PLXNB3: variants seen among roughly 807,000 people sequenced by gnomAD.
PLXNB3 encodes plexin-B3.
A neutral mutation model predicts 125.7 loss-of-function variants in PLXNB3; 80 were observed. The ratio of observed to expected loss-of-function variants is 0.64; its 90% CI spans 0.53 to 0.77. The LOEUF is 0.77. PLXNB3 is among the 30% of genes least tolerant of loss of function. The probability of loss-of-function intolerance (pLI) is 0.00; values close to 1 mark genes in which losing one functional copy is unlikely to be tolerated. For synonymous variants in PLXNB3, 954 were observed against 783.3 expected (o/e 1.22, Z -3.64); for missense variants, 1,836 against 1,729.3 (o/e 1.06, Z -1.09).
In PLXNB3 at chrX:153,766,929, G is replaced by A. The variant is rs2148412831; in HGVS notation, c.102G>A (p.Leu34=). The A allele has an allele frequency of 8.3e-7, 1 of 1,209,241 alleles. No individual in the cohort carries two copies. Among genetic ancestry groups the A allele is most frequent in the Non-Finnish European group, 1.1e-6 (1 of 895,097 alleles). The change falls in exon 3 of 36, where the codon CTG becomes CTA. Residue 34 remains leucine, a synonymous_variant. Transcript: ENST00000361971. ...GCCTCTGCCTCCTCCTGCTGCTGCT[G>A]TCCCCACCGCCACTGCCCTTGACAG... ...PFGLCLLLLL[L]SPPPLPLTGA...
chrX:153,773,781 G>A, intron 19 of PLXNB3, 68 bp downstream of exon 19: 5 of 1,192,768 alleles, frequency 4.2e-6, no homozygotes, highest in Non-Finnish European at 3.4e-6. Flanking sequence ...GGAGGAGGAG[G>A]GTAGGCCGCC....
rs369692012 is a variant in PLXNB3, at chrX:153,765,870, G to A, written c.45+290G>A. ...GGCAGCATCTCTCTGTGGAGGGCAG[G>A]AGGGGCCAGAGAAGGGGCTGCTCCC... is the stretch of plus-strand genomic sequence containing the variant. On this transcript the variant is annotated intron_variant, in intron 2 of 35. Transcript: ENST00000361971. 3.5e-5 allele frequency: 26 copies of A among 753,013 alleles called. No homozygotes were observed. In the South Asian group the frequency reaches 1.3e-3, roughly 37 times the overall value. 62.1% of individuals were successfully genotyped at this position (753,013 alleles called of 1,213,427 possible). A position where few individuals can be genotyped will look rare whatever the true frequency, so the allele number is the denominator to read the frequency against.
chrX:153,773,789 G>A lies in PLXNB3; in HGVS notation c.3280-70G>A, dbSNP rs1451809950. 2.4e-5 allele frequency: 29 copies of A among 1,195,755 alleles called. No individual in the cohort carries two copies. In the African/African-American group the frequency reaches 3.1e-4, roughly 13 times the overall value. ...CCAGTGGGGAGGAGGAGGGTAGGCC[G>A]CCATGCCCCTAGCAGCGCACAGCAG... On this transcript the variant is annotated intron_variant, in intron 19 of 35. Transcript: ENST00000361971.
intron 29 of PLXNB3, 74 bp downstream of exon 29, chrX:153,777,054 C>A: frequency 1.0e-6 from 1 of 982,667 alleles, no homozygotes; most frequent in Non-Finnish European, 1.4e-6. Flanking sequence ...CATGCATCTG[C>A]CTCAACTTCA....
chrX:153,768,167 C>T, intron 3 of PLXNB3, 82 bp from the exon 4 acceptor site: 4 of 1,019,431 alleles, frequency 3.9e-6, no homozygotes, highest in Non-Finnish European at 4.0e-6. Context: ...CCTGGCTCTC[C>T]TCCCGCTGGC....
intron 7 of PLXNB3, 38 bp downstream of exon 7, chrX:153,769,977 T>G (rs377174995): frequency 5.8e-5 from 69 of 1,194,285 alleles, no homozygotes; most frequent in Non-Finnish European, 7.7e-5. Flanking sequence ...CTGGGCAGCA[T>G]GACCACTGCC....
At position 153,771,610 on chromosome X, in the gene PLXNB3, G is replaced by A. The variant is rs782163257; in HGVS notation, c.2472G>A (p.Pro824=). 105 of 1,202,756 alleles carry A rather than the reference G, an allele frequency of 8.7e-5. No homozygotes were observed. The highest frequency in any genetic ancestry group is 7.8e-5 in the Non-Finnish European group (70 of 892,478). ...CCTGTCGCTATGGGCCCTTGTGCCC[G>A]CCGGGGGCTGTGGAGCTGCTGTGTC... ...QPACRYGPLC[P]PGAVELLCPA... Residue 824 remains proline, a synonymous_variant, in exon 14 of 36, where the codon CCG becomes CCA. Transcript: ENST00000361971.
chrX:153,775,217 C>T lies in PLXNB3; in HGVS notation c.4156-8C>T. On this transcript the variant is annotated splice_polypyrimidine_tract_variant and splice_region_variant and intron_variant, in intron 24 of 35. Transcript: ENST00000361971. ...GCTTCCCAGGATGAGCCTCCGACCC[C>T]TGCTCAGCTCATCCACACCCTGGAG... 8.5e-7 allele frequency: 1 copy of T among 1,171,545 alleles called. No individual in the cohort carries two copies.
chrX:153,775,478 CTCTGTCCAGGGGCGGGT>C, intron 25 of PLXNB3, 75 bp downstream of exon 25: 3 of 1,158,155 alleles, frequency 2.6e-6, no homozygotes, highest in Non-Finnish European at 3.5e-6. Context: ...CCTGGGCGGG[CTCTGTCCAGGGGCGGGT>C]GGGGCCAGGA....
Position 153,778,694 on chromosome X carries a change from G to C in PLXNB3, c.5625+20G>C, listed in dbSNP as rs782299350. ...GATCAGGTGAGGCCCAGGGCACTCC[G>C]GAGGGGAGGCACAGTGGAGCGGGAG... On this transcript the variant is annotated intron_variant, in intron 35 of 35. Coordinates refer to ENST00000361971, the MANE Select transcript of PLXNB3 (RefSeq NM_005393.3). 4.2e-6 allele frequency: 5 copies of C among 1,179,890 alleles called. No individual in the cohort carries two copies. Among genetic ancestry groups the C allele is most frequent in the Non-Finnish European group, 5.7e-6 (5 of 873,402 alleles).
At position 153,774,027 on chromosome X, in the gene PLXNB3, C is replaced by T. The variant is rs1050381843; in HGVS notation, c.3448C>T (p.Leu1150=). ...CTTCCTGTACCAGCCCAACCCCCGC[C>T]TGGCACCCCTCAGCCGCGAGGGGCC... ...QGFLYQPNPR[L]APLSREGPAR... Residue 1150 remains leucine (L), a synonymous_variant, in exon 20 of 36, where the codon CTG becomes TTG. Transcript: ENST00000361971. 1.7e-5 allele frequency: 20 copies of T among 1,199,875 alleles called. No homozygotes were observed. Among genetic ancestry groups the T allele is most frequent in the Non-Finnish European group, 2.2e-5 (20 of 889,505 alleles).
intron 12 of PLXNB3, 110 bp from the exon 13 acceptor site, chrX:153,771,199 TG>T: frequency 1.1e-6 from 1 of 917,800 alleles, no homozygotes; most frequent in Non-Finnish European, 1.6e-6. Context: ...GCCCCAGTCT[TG>T]GGGGAGAGGC....
rs1431437787 is a variant in PLXNB3, at chrX:153,775,964, G to A, written c.4479G>A (p.Val1493=). 19 of 1,210,173 alleles carry A rather than the reference G, an allele frequency of 1.6e-5. No homozygotes were observed. Among genetic ancestry groups the A allele is most frequent in the Non-Finnish European group, 2.0e-5 (18 of 895,266 alleles). ...TGGACAAAGGCCCCGTGGACGCCGT[G>A]ACAGGCAAGGCCAAACGGACCCTGA... ...YQVDKGPVDA[V]TGKAKRTLND... is the part of the protein sequence containing the mutation. The change falls in exon 27 of 36, where the codon GTG becomes GTA. Residue 1493 remains valine (V), a synonymous_variant. Transcript: ENST00000361971.
At chrX:153,775,463 C>T (rs1407734806) in intron 25 of PLXNB3, 60 bp downstream of exon 25, 2 of 1,174,568 alleles carry the variant, frequency 1.7e-6, no homozygotes, top group African/African-American at 1.7e-5. Flanking sequence ...CTGCCCCCAT[C>T]GCACCCTGGG....
Position 153,779,146 on chromosome X carries a change from G to A in PLXNB3, c.*107G>A. 2 of 568,483 alleles carry A rather than the reference G, an allele frequency of 3.5e-6. No individual in the cohort carries two copies. The highest frequency in any genetic ancestry group is 3.4e-4 in the Middle Eastern group (1 of 2,931). The allele number at this position is 568,483 out of a possible 1,213,427, so 46.8% of individuals were successfully genotyped here. A position where few individuals can be genotyped will look rare whatever the true frequency, so the allele number is the denominator to read the frequency against. On this transcript the variant is annotated 3_prime_UTR_variant, in exon 36 of 36. Transcript: ENST00000361971. Reference sequence around the variant, plus strand: ...GAGCTGGCAGAGCCTGGGGGCACAGGGTGCAAAGCCAGGCACTGTGCCCAG... The same window carrying A: ...GAGCTGGCAGAGCCTGGGGGCACAGAGTGCAAAGCCAGGCACTGTGCCCAG...
At chrX:153,774,374 A>G in intron 21 of PLXNB3, 30 bp downstream of exon 21, 3 of 1,155,630 alleles carry the variant, frequency 2.6e-6, no homozygotes, top group Non-Finnish European at 2.3e-6. Context: ...GGGCAGGTGG[A>G]CCGGGTGCCG....
Position 153,767,747 on chromosome X carries a change from C to T in PLXNB3, c.920C>T (p.Pro307Leu). 8.5e-7 allele frequency: 1 copy of T among 1,172,245 alleles called. No individual in the cohort carries two copies. ...GTLLGVFAAG[P>L]RGTQAALCAF... ...TTGCTAGGGGTGTTTGCCGCGGGCC[C>T]AAGGGGCACCCAGGCGGCGCTCTGT... Residue 307 changes from proline (P) to leucine (L), a missense_variant, in exon 3 of 36, where the codon CCA becomes CTA. Transcript: ENST00000361971.
At chrX:153,771,753 C>G in intron 14 of PLXNB3, 98 bp downstream of exon 14, 1 of 1,127,220 alleles carries the variant, frequency 8.9e-7, no homozygotes, top group South Asian at 2.0e-5. Flanking sequence ...CCCAGGCCCC[C>G]AAACCCCAGC....
In PLXNB3 at chrX:153,778,670, A is replaced by T; in HGVS notation, c.5621A>T (p.Asp1874Val). 8.3e-7 allele frequency: 1 copy of T among 1,199,604 alleles called. No individual in the cohort carries two copies. The highest frequency in any genetic ancestry group is 1.1e-6 in the Non-Finnish European group (1 of 887,544). The change falls in exon 35 of 36, where the codon GAT (aspartate) becomes GTT (valine). Residue 1874 changes from aspartate (D) to valine (V), a missense_variant. Physicochemically the swap from Asp to Val is radical, Grantham distance 152 (BLOSUM62 -3). Coordinates refer to ENST00000361971, the MANE Select transcript of PLXNB3 (RefSeq NM_005393.3). ...TACAACCACATCCACAGGTACTATG[A>T]TCAGGTGAGGCCCAGGGCACTCCGG... ...ELYNHIHRYYDQIISALEEDP... is the reference protein window; with the variant it reads ...ELYNHIHRYYVQIISALEEDP...
Sources: allele counts gnomAD v4.1 joint callset, GRCh38; gene constraint gnomAD v4.1.1; transcripts MANE v1.5; gene names NCBI Gene and HGNC (gene_info 2026-07-23, HGNC 2026-07-21).